The following INO80C variants were observed in gnomAD, a reference collection of about 807,000 sequenced individuals.
The protein encoded by INO80C is INO80 complex subunit C, also known as IES6 homolog.
Under a neutral mutation model 17.7 loss-of-function variants are expected in INO80C, and 17 were observed. The ratio of observed to expected loss-of-function variants is 0.96; its 90% CI spans 0.66 to 1.44. The LOEUF (loss-of-function observed/expected upper bound fraction) is 1.44, where lower values mean the gene tolerates loss of function less well. INO80C is among the 40% of genes most tolerant of loss of function. The probability of loss-of-function intolerance (pLI) is 0.00; values close to 1 mark genes in which losing one functional copy is unlikely to be tolerated. For missense variants in INO80C, 244 were observed against 245.0 expected, an observed-to-expected ratio of 1.00 and a Z score of 0.03; for synonymous variants, 96 against 95.8, an observed-to-expected ratio of 1.00 and a Z score of -0.01.
chr18:35,469,118 C>T (rs1355673077), intron 4 of INO80C, among the ~76,000 whole-genome samples: 1 of 152,172 alleles, frequency 6.6e-6, no homozygotes, highest in East Asian at 1.9e-4. Context: ...GAGCCGACGC[C>T]CAGCATGCTG....
chr18:35,487,378 G>T, intron 1 of INO80C: 1 of 396,204 alleles, frequency 2.5e-6, no homozygotes, highest in Non-Finnish European at 5.0e-6. Flanking sequence ...GAGGTTTAAT[G>T]GACTCACATT....
Position 35,494,605 on chromosome 18 carries a change from C to T in INO80C, c.156+3114G>A, listed in dbSNP as rs137992672. Among the ~76,000 whole-genome samples, 547 of 152,310 alleles carry T rather than the reference C, an allele frequency of 3.6e-3. 2 individuals are homozygous for T. The highest frequency in any genetic ancestry group is 0.012 in the African/African-American group (513 of 41,572). ...GAAGACAGGGGCCCTGCAGTCCTGC[C>T]GCCCCAAAAGAACAGAATTCTGCCA... On this transcript the variant is annotated intron_variant, in intron 1 of 4. Transcript: ENST00000334598.
chr18:35,487,437 C>T (rs768029301), intron 1 of INO80C: 13 of 361,998 alleles, frequency 3.6e-5, no homozygotes, highest in African/African-American at 2.6e-4. Context: ...GCAAGAGGCA[C>T]GTCTTACGTG....
At chr18:35,471,395 T>C (rs2045667710) in intron 4 of INO80C, among the ~76,000 whole-genome samples, 2 of 152,328 alleles carry the variant, frequency 1.3e-5, no homozygotes, top group South Asian at 2.1e-4. Flanking sequence ...TTGATTTTTA[T>C]ATATGTGGCA....
chr18:35,468,540 C>T lies in INO80C; in HGVS notation c.*71G>A, dbSNP rs2045629698. ...GATTGACAGCAGAACGAGTTTGTTT[C>T]CGTGAAACAAAATCATGAGTCCAGA... On this transcript the variant is annotated 3_prime_UTR_variant, in exon 5 of 5. Transcript: ENST00000334598. The T allele has an allele frequency of 3.1e-6, 5 of 1,601,820 alleles. No individual in the cohort carries two copies. The South Asian group carries it at 4.4e-5, about 14-fold the overall frequency.
At chr18:35,470,820 C>A (rs1480541830) in intron 4 of INO80C, among the ~76,000 whole-genome samples, 1 of 152,220 alleles carries the variant, frequency 6.6e-6, no homozygotes, top group Non-Finnish European at 1.5e-5. Context: ...AAGTGACACC[C>A]AGGAGTTGAA....
chr18:35,480,290 A>T lies in INO80C; in HGVS notation c.267+163T>A, dbSNP rs537188825. Among the ~76,000 whole-genome samples the T allele has an allele frequency of 2.8e-4, 43 of 152,316 alleles. No individual in the cohort carries two copies. In the Middle Eastern group the frequency reaches 0.01, roughly 36 times the overall value. On this transcript the variant is annotated intron_variant, in intron 2 of 4. Transcript: ENST00000334598. Reference sequence around the variant, plus strand: ...ATATGGCACATTAAAAGATCAACAGAAAGAACCCTTCTCTTGTCCCCATCT... The same window carrying T: ...ATATGGCACATTAAAAGATCAACAGTAAGAACCCTTCTCTTGTCCCCATCT...
Position 35,497,765 on chromosome 18 carries a change from T to C in INO80C, c.110A>G (p.Tyr37Cys), listed in dbSNP as rs758531830. The C allele has an allele frequency of 1.4e-5, 22 of 1,605,000 alleles. No homozygotes were observed. Among genetic ancestry groups the C allele is most frequent in the Admixed American group, 1.7e-5 (1 of 59,776 alleles). ...PSHNGSSGGG[Y>C]GASKKKKASA... The stretch of plus-strand genomic sequence containing the variant: ...CGCTTTTTTCTTCTTACTGGCGCCA[T>C]AGCCCCCGCCGCTGCTGCCATTGTG... Residue 37 changes from tyrosine to cysteine, a missense_variant, in exon 1 of 5, where the codon TAT becomes TGT. Coordinates refer to ENST00000334598, the MANE Select transcript of INO80C (RefSeq NM_194281.4).
At position 35,479,380 on chromosome 18, in the gene INO80C, T is replaced by C; in HGVS notation, c.299A>G (p.Lys100Arg). ...CAGGTTCTTCCAGGTTCTGTTCTTC[T>C]TGCCAGCTACTGCGCCACCGTGGCC... ...HSGHGGAVAG[K>R]KNRTWKNLKQ... is the part of the protein sequence containing the mutation. The change falls in exon 3 of 5, where the codon AAG (lysine) becomes AGG (arginine). Residue 100 changes from lysine (K) to arginine (R), a missense_variant. Physicochemically the swap from Lys to Arg is conservative, Grantham distance 26 (BLOSUM62 2). Coordinates refer to ENST00000334598, the MANE Select transcript of INO80C (RefSeq NM_194281.4). 6.2e-7 allele frequency: 1 copy of C among 1,614,098 alleles called. No homozygotes were observed. Among genetic ancestry groups the C allele is most frequent in the Non-Finnish European group, 8.5e-7 (1 of 1,179,978 alleles).
At chr18:35,489,304 TA>T in intron 1 of INO80C, 1 of 269,592 alleles carries the variant, frequency 3.7e-6, no homozygotes, top group Non-Finnish European at 7.3e-6. Context: ...GGGTAAATTA[TA>T]AAGAAAAAGA....
chr18:35,493,357 C>A (rs1242920796), intron 1 of INO80C, among the ~76,000 whole-genome samples: 2 of 152,172 alleles, frequency 1.3e-5, no homozygotes, highest in Admixed American at 1.3e-4. Context: ...ACTGCACTTT[C>A]ATAACATTAT....
chr18:35,468,816 T>A, intron 4 of INO80C, 74 bp from the exon 5 acceptor site: 1 of 1,393,016 alleles, frequency 7.2e-7, no homozygotes, highest in Non-Finnish European at 1.0e-6. Context: ...AGTTTAAAAA[T>A]TTTTTCTATT....
intron 4 of INO80C, among the ~76,000 whole-genome samples, chr18:35,474,231 A>ATATATATATATATATATATG (rs1555636173): frequency 4.5e-5 from 6 of 133,686 alleles, no homozygotes; most frequent in African/African-American, 1.7e-4. Context: ...ATATATATAT[A>ATATATATATATATATATATG]TATATATATA....
intron 4 of INO80C, among the ~76,000 whole-genome samples, chr18:35,472,797 A>T (rs2045686093): frequency 2.0e-5 from 3 of 152,180 alleles, no homozygotes; most frequent in Admixed American, 2.0e-4. Context: ...TCCCTGTTTG[A>T]TGAGTCTTTC....
intron 1 of INO80C, among the ~76,000 whole-genome samples, chr18:35,484,961 A>T (rs960568787): frequency 2.0e-5 from 3 of 152,078 alleles, no homozygotes; most frequent in Non-Finnish European, 2.9e-5. Context: ...ATAGAAATTT[A>T]TTTTCTCCAG....
In INO80C at chr18:35,478,416, T is replaced by A. The variant is rs1405416928; in HGVS notation, c.380-67A>T. 3 of 1,240,542 alleles carry A rather than the reference T, an allele frequency of 2.4e-6. No individual in the cohort carries two copies. In the African/African-American group the frequency reaches 4.6e-5, roughly 19 times the overall value. The allele number at this position is 1,240,542 out of a possible 1,614,324, so 76.8% of individuals were successfully genotyped here. On this transcript the variant is annotated intron_variant, in intron 3 of 4. Coordinates refer to ENST00000334598, the MANE Select transcript of INO80C (RefSeq NM_194281.4). ...AACATTCAAATCCCTTCTCTTTTTT[T>A]TTCTAAAATAGTATTTGATAATATT...
chr18:35,490,133 C>T (rs115577498), intron 1 of INO80C, among the ~76,000 whole-genome samples: 108 of 152,106 alleles, frequency 7.1e-4, no homozygotes, highest in Non-Finnish European at 1.3e-3. Flanking sequence ...GACAAGTGAT[C>T]GCTCTTTCAG....
intron 1 of INO80C, among the ~76,000 whole-genome samples, chr18:35,493,242 T>C (rs1176141031): frequency 6.6e-6 from 1 of 152,240 alleles, no homozygotes; most frequent in African/African-American, 2.4e-5. Context: ...GCTTGATAAA[T>C]ATTAATTACT....
Position 35,489,920 on chromosome 18 carries a change from C to T in INO80C, c.156+7799G>A, listed in dbSNP as rs138716759. Among the ~76,000 whole-genome samples the T allele has an allele frequency of 6.6e-5, 10 of 152,110 alleles. No individual in the cohort carries two copies. In the South Asian group the frequency reaches 8.3e-4, roughly 13 times the overall value. On this transcript the variant is annotated intron_variant, in intron 1 of 4. Transcript: ENST00000334598. ...CCTCACTTCATCTTTCCCCCATGCA[C>T]GGTCTTTCCTAACTGTCCTTATGTA...
Sources: gnomAD v4.1 joint callset for allele counts (sites outside exome capture counted in the v4.1 genomes callset) on GRCh38, gnomAD v4.1.1 for gene constraint, MANE v1.5 for transcripts, NCBI Gene and HGNC (gene_info 2026-07-23, HGNC 2026-07-21) for gene names.